Variants in LDAH observed in about 807,000 individuals in gnomAD.
LDAH encodes lipid droplet-associated hydrolase.
In LDAH, 26 loss-of-function variants were observed where a neutral mutation model predicts 29.6. That is an observed-to-expected ratio of 0.88 (90% CI 0.64 to 1.22). LDAH has a LOEUF of 1.22. LDAH is among the 50% of genes most tolerant of loss of function. The pLI is 0.00. For synonymous variants in LDAH, 117 were observed against 133.0 expected (o/e 0.88, Z 0.83); for missense variants, 344 against 387.3 (o/e 0.89, Z 0.94).
At chr2:20,779,365 G>C (rs1003935146) in intron 3 of LDAH, among the ~76,000 whole-genome samples, 1 of 151,998 alleles carries the variant, frequency 6.6e-6, no homozygotes, top group East Asian at 1.9e-4. Flanking sequence ...GGGGCGGTGA[G>C]GGGAGGGAAC....
intron 5 of LDAH, among the ~76,000 whole-genome samples, chr2:20,704,054 C>G (rs981757791): frequency 1.3e-5 from 2 of 152,208 alleles, no homozygotes; most frequent in Admixed American, 1.3e-4. Flanking sequence ...AAAAGACCTC[C>G]CTGATAAGGG....
intron 6 of LDAH, among the ~76,000 whole-genome samples, chr2:20,688,180 C>T (rs1662704720): frequency 6.6e-6 from 1 of 152,118 alleles, no homozygotes; most frequent in Non-Finnish European, 1.5e-5. Flanking sequence ...TTTGAGAGCT[C>T]AGGTGAGGTG....
chr2:20,783,597 T>C (rs571110358), intron 3 of LDAH, among the ~76,000 whole-genome samples: 67 of 152,332 alleles, frequency 4.4e-4, no homozygotes, highest in African/African-American at 1.5e-3. Context: ...AAAATTAAAA[T>C]AGCTACTCCA....
At chr2:20,772,080 A>G (rs113023236) in intron 4 of LDAH, among the ~76,000 whole-genome samples, 20 of 152,340 alleles carry the variant, frequency 1.3e-4, no homozygotes, top group African/African-American at 4.1e-4. Flanking sequence ...TTCTTTCCCA[A>G]CAGACATTGT....
intron 4 of LDAH, among the ~76,000 whole-genome samples, chr2:20,762,828 C>CT (rs1324403465): frequency 4.1e-4 from 62 of 152,222 alleles, no homozygotes; most frequent in Non-Finnish European, 7.9e-4. Context: ...AGACTAGTGA[C>CT]TTCCATCACC....
In LDAH at chr2:20,823,094, C is replaced by T. The variant is rs1377226711; in HGVS notation, c.-60G>A. On this transcript the variant is annotated 5_prime_UTR_variant, in exon 1 of 7. Transcript: ENST00000237822. The stretch of plus-strand genomic sequence containing the variant: ...AGGGTCCTGGGAAGGCGGCACGAGA[C>T]CGGAAGTGCCCCCCTCAGGTGACGT... 1 of 152,300 alleles carries T rather than the reference C, an allele frequency of 6.6e-6. No homozygotes were observed. Among genetic ancestry groups the T allele is most frequent in the African/African-American group, 2.4e-5 (1 of 41,458 alleles). The allele number at this position is 152,300 out of a possible 1,614,324, so 9.4% of individuals were successfully genotyped here.
chr2:20,821,226 G>A (rs1362475784), intron 1 of LDAH, among the ~76,000 whole-genome samples: 2 of 152,286 alleles, frequency 1.3e-5, no homozygotes, highest in South Asian at 4.1e-4. Context: ...CAGGGATCTA[G>A]AACTAGAAAT....
At chr2:20,688,145 A>G (rs1662701851) in intron 6 of LDAH, among the ~76,000 whole-genome samples, 1 of 152,172 alleles carries the variant, frequency 6.6e-6, no homozygotes, top group African/African-American at 2.4e-5. Flanking sequence ...GGAGGGGAGA[A>G]GGGGACCCCA....
rs544895060 is a variant in LDAH, at chr2:20,725,035, T to C, written c.703+14936A>G. Among the ~76,000 whole-genome samples the C allele has an allele frequency of 5.9e-5, 9 of 152,178 alleles. No homozygotes were observed. In the East Asian group the frequency reaches 1.7e-3, roughly 29 times the overall value. ...GTATATACCGCAATATATATGTGAG[T>C]TTTACTCTTGGTCTATGGTGACTGA... On this transcript the variant is annotated intron_variant, in intron 5 of 6. Coordinates refer to ENST00000237822, the MANE Select transcript of LDAH (RefSeq NM_021925.4).
chr2:20,686,990 G>A lies in LDAH; in HGVS notation c.891C>T (p.Asn297=), dbSNP rs1311858683. The A allele has an allele frequency of 2.5e-6, 4 of 1,614,094 alleles. No homozygotes were observed. The highest frequency in any genetic ancestry group is 3.4e-6 in the Non-Finnish European group (4 of 1,179,972). Residue 297 remains asparagine, a synonymous_variant, in exon 7 of 7, where the codon AAC becomes AAT. Transcript: ENST00000237822. ...PEGDIRLCEK[N]IPHAFITHFN... is the part of the protein sequence containing the mutation. ...AATGGGTGATGAAAGCATGAGGTATGTTTTTCTCACAGAGTCGAATGTCTC... is the reference window on the plus strand; with the variant it reads ...AATGGGTGATGAAAGCATGAGGTATATTTTTCTCACAGAGTCGAATGTCTC...
Position 20,801,460 on chromosome 2 carries a change from CCATTT to C in LDAH, c.-2_3del. ...GGAATTTCTTCCTTGAGTTCTGAGT[CCATTT>C]CTAAATAAGGGGAGAAAAGTAGTAT... On this transcript the variant is annotated start_lost and splice_region_variant and 5_prime_UTR_variant, in exon 2 of 7. Transcript: ENST00000237822. The C allele has an allele frequency of 2.5e-6, 4 of 1,613,408 alleles. No homozygotes were observed. Among genetic ancestry groups the C allele is most frequent in the Non-Finnish European group, 3.4e-6 (4 of 1,179,598 alleles).
At chr2:20,725,532 A>C (rs753005920) in intron 5 of LDAH, among the ~76,000 whole-genome samples, 5 of 152,222 alleles carry the variant, frequency 3.3e-5, no homozygotes, top group Non-Finnish European at 7.3e-5. Flanking sequence ...TAGGTGGGCT[A>C]TTCTGAGATT....
chr2:20,760,995 T>C (rs1668647368), intron 4 of LDAH, among the ~76,000 whole-genome samples: 1 of 152,198 alleles, frequency 6.6e-6, no homozygotes, highest in Non-Finnish European at 1.5e-5. Flanking sequence ...TGTACAAACA[T>C]TTGTGCTATC....
At chr2:20,784,358 G>T (rs566498543) in intron 3 of LDAH, among the ~76,000 whole-genome samples, 1 of 152,144 alleles carries the variant, frequency 6.6e-6, no homozygotes, top group South Asian at 2.1e-4. Context: ...AGTTAGTCTC[G>T]TTGGCACCAC....
chr2:20,714,360 T>A (rs979453721), intron 5 of LDAH, among the ~76,000 whole-genome samples: 3 of 152,162 alleles, frequency 2.0e-5, no homozygotes, highest in Non-Finnish European at 4.4e-5. Context: ...CGTACCAGGA[T>A]CTCTGGGACA....
chr2:20,701,367 T>TA (rs933965642), intron 6 of LDAH, among the ~76,000 whole-genome samples: 2 of 152,128 alleles, frequency 1.3e-5, no homozygotes, highest in Non-Finnish European at 2.9e-5. Flanking sequence ...AAACAGGTGA[T>TA]AAAAAAATAA....
intron 4 of LDAH, among the ~76,000 whole-genome samples, chr2:20,744,785 T>C (rs974096177): frequency 2.6e-5 from 4 of 152,148 alleles, no homozygotes; most frequent in Non-Finnish European, 5.9e-5. Context: ...TCCCCATGAG[T>C]GGGTCCTCCT....
chr2:20,801,758 T>A (rs1209132509), intron 1 of LDAH, among the ~76,000 whole-genome samples: 3 of 152,044 alleles, frequency 2.0e-5, no homozygotes, highest in Non-Finnish European at 4.4e-5. Context: ...CTGCTAGAAT[T>A]CTCTTTTAGC....
chr2:20,686,808 T>C lies in LDAH; in HGVS notation c.*95A>G. The C allele has an allele frequency of 8.7e-7, 1 of 1,153,172 alleles. No individual in the cohort carries two copies. Among genetic ancestry groups the C allele is most frequent in the Non-Finnish European group, 1.2e-6 (1 of 810,202 alleles). The allele number at this position is 1,153,172 out of a possible 1,614,324, so 71.4% of individuals were successfully genotyped here. A position where few individuals can be genotyped will look rare whatever the true frequency, so the allele number is the denominator to read the frequency against. ...CAAAGGTTCTCACTTTCTTCATTTC[T>C]AATATCAGTCTTCAAAATTAAACAT... On this transcript the variant is annotated 3_prime_UTR_variant, in exon 7 of 7. Transcript: ENST00000237822.
Sources: gnomAD v4.1 joint callset for allele counts (sites outside exome capture counted in the v4.1 genomes callset) on GRCh38, gnomAD v4.1.1 for gene constraint, MANE v1.5 for transcripts, NCBI Gene and HGNC (gene_info 2026-07-23, HGNC 2026-07-21) for gene names.